ITGA2: variants seen among roughly 807,000 people sequenced by gnomAD.
The protein encoded by ITGA2 is integrin alpha-2.
Under a neutral mutation model 146.3 loss-of-function variants are expected in ITGA2, and 101 were observed. That is an observed-to-expected ratio of 0.69 (90% CI 0.59 to 0.81). The LOEUF (loss-of-function observed/expected upper bound fraction) is 0.81. Among genes scored for constraint, ITGA2 ranks in the 40% least tolerant of loss-of-function variants. ITGA2 has a pLI of 0.00. For missense variants in ITGA2, 1,281 were observed against 1,402.7 expected (o/e 0.91, Z 1.39); for synonymous variants, 477 against 487.1 (o/e 0.98, Z 0.27).
chr5:53,058,249 T>C (rs1744733638), intron 10 of ITGA2, 148 bp downstream of exon 10: 3 of 703,614 alleles, frequency 4.3e-6, no homozygotes, highest in Non-Finnish European at 7.7e-6. Flanking sequence ...TTTGTGCTGC[T>C]GATTTACCTC....
Position 53,093,917 on chromosome 5 carries a change from CAG to C in ITGA2, c.*3320_*3321del, listed in dbSNP as rs1018362305. The stretch of plus-strand genomic sequence containing the variant: ...AGCAAAATAAGAACTCCTAACTGAA[CAG>C]AAATTTTTCTACCTAGCAATGTTAT... On this transcript the variant is annotated 3_prime_UTR_variant, in exon 30 of 30. Transcript: ENST00000296585. 6 of 152,552 alleles carry C rather than the reference CAG, an allele frequency of 3.9e-5. No individual in the cohort carries two copies. Among genetic ancestry groups the C allele is most frequent in the Admixed American group, 3.9e-4 (6 of 15,268 alleles). 9.4% of individuals were successfully genotyped at this position (152,552 alleles called of 1,614,324 possible).
intron 7 of ITGA2, among the ~76,000 whole-genome samples, chr5:53,054,195 G>C (rs1744520797): frequency 2.0e-5 from 3 of 152,110 alleles, no homozygotes; most frequent in Non-Finnish European, 1.5e-5. Flanking sequence ...TTATCCATGA[G>C]CTCAATTTGT....
In ITGA2 at chr5:53,061,038, G is replaced by T. The variant is rs1744885364; in HGVS notation, c.1450G>T (p.Gly484Cys). Reference protein sequence around the residue: ...GNITVIQAHRGDQIGSYFGSV... With the variant: ...GNITVIQAHRCDQIGSYFGSV... ...TATCACGGTTATTCAGGCTCACCGA[G>T]GTGACCAGGTAAATCTCACTGTTTA... The change falls in exon 12 of 30, where the codon GGT becomes TGT. Residue 484 changes from glycine (G) to cysteine (C), a missense_variant. Gly to Cys is a radical substitution (Grantham distance 159). Coordinates refer to ENST00000296585, the MANE Select transcript of ITGA2 (RefSeq NM_002203.4). The T allele has an allele frequency of 3.1e-6, 5 of 1,612,044 alleles. No individual in the cohort carries two copies. Among genetic ancestry groups the T allele is most frequent in the Non-Finnish European group, 4.2e-6 (5 of 1,178,668 alleles).
Position 53,093,525 on chromosome 5 carries a change from A to G in ITGA2, c.*2926A>G, listed in dbSNP as rs1355885469. On this transcript the variant is annotated 3_prime_UTR_variant, in exon 30 of 30. Transcript: ENST00000296585. Reference sequence around the variant, plus strand: ...CTGGCCTCTAGCTACCCGATGCCAGAGCATGCTCCCCCCGCAGTCATGACA... The same window carrying G: ...CTGGCCTCTAGCTACCCGATGCCAGGGCATGCTCCCCCCGCAGTCATGACA... 1 of 152,100 alleles carries G rather than the reference A, an allele frequency of 6.6e-6. No individual in the cohort carries two copies. Among genetic ancestry groups the G allele is most frequent in the Non-Finnish European group, 1.5e-5 (1 of 68,028 alleles). The allele number at this position is 152,100 out of a possible 1,614,324, so 9.4% of individuals were successfully genotyped here. A position where few individuals can be genotyped will look rare whatever the true frequency, so the allele number is the denominator to read the frequency against.
At chr5:53,012,345 T>A (rs1742176895) in intron 1 of ITGA2, among the ~76,000 whole-genome samples, 1 of 152,200 alleles carries the variant, frequency 6.6e-6, no homozygotes, top group Non-Finnish European at 1.5e-5. Flanking sequence ...TATATCCAAA[T>A]GGTGGCTTGG....
chr5:53,079,521 T>C (rs1020835746), intron 24 of ITGA2, among the ~76,000 whole-genome samples: 18 of 152,302 alleles, frequency 1.2e-4, no homozygotes, highest in African/African-American at 3.8e-4. Context: ...TTTTATATTG[T>C]AATTAAAGTT....
chr5:53,003,023 C>T (rs1741663599), intron 1 of ITGA2, among the ~76,000 whole-genome samples: 1 of 152,104 alleles, frequency 6.6e-6, no homozygotes, highest in Admixed American at 6.5e-5. Context: ...CAGTGTCCTG[C>T]TTTATTCTTA....
rs546274485 is a variant in ITGA2 at position 53,071,972 on chromosome 5, G to A, written c.2270G>A (p.Arg757His). 2.0e-5 allele frequency: 33 copies of A among 1,612,336 alleles called. No individual in the cohort carries two copies. Among genetic ancestry groups the A allele is most frequent in the South Asian group, 4.4e-5 (4 of 91,056 alleles). ...GATGTTGTCAACTCTTTGGATTTGC[G>A]TGTGGACATCAGTCTGGAAAACCCT... is the stretch of plus-strand genomic sequence containing the variant. ...PSDVVNSLDL[R>H]VDISLENPGT... Residue 757 changes from arginine to histidine, a missense_variant, in exon 18 of 30, where the codon CGT becomes CAT. This residue lies in a region of ITGA2 where 475 missense variants were observed against 530.5 expected (regional missense o/e 0.90). Coordinates refer to ENST00000296585, the MANE Select transcript of ITGA2 (RefSeq NM_002203.4).
At chr5:53,045,182 A>G in intron 4 of ITGA2, 90 bp downstream of exon 4, 1 of 1,011,772 alleles carries the variant, frequency 9.9e-7, no homozygotes, top group Non-Finnish European at 1.6e-6. Context: ...CTGAGGATTT[A>G]GATGTTTAGA....
At chr5:52,996,819 C>T (rs1741283103) in intron 1 of ITGA2, among the ~76,000 whole-genome samples, 1 of 152,080 alleles carries the variant, frequency 6.6e-6, no homozygotes, top group Non-Finnish European at 1.5e-5. Flanking sequence ...CCTTCAATTC[C>T]CCTTATTTCT....
At chr5:52,990,485 A>C (rs1740886950) in intron 1 of ITGA2, among the ~76,000 whole-genome samples, 1 of 152,162 alleles carries the variant, frequency 6.6e-6, no homozygotes, top group Non-Finnish European at 1.5e-5. Context: ...TGGAGGGAGA[A>C]GGAGACACGT....
intron 1 of ITGA2, among the ~76,000 whole-genome samples, chr5:53,023,422 T>C (rs1162167837): frequency 6.6e-6 from 1 of 152,248 alleles, no homozygotes; most frequent in Non-Finnish European, 1.5e-5. Context: ...CCTTTGAACT[T>C]AGATTTACCC....
chr5:53,056,046 A>G lies in ITGA2; in HGVS notation c.993A>G (p.Ala331=), dbSNP rs3212523. 0.089 allele frequency: 143,860 copies of G among 1,609,684 alleles called. 7,058 individuals carry two copies. Among genetic ancestry groups the G allele is most frequent in the African/African-American group, 0.17 (12,527 of 74,762 alleles). ...DTKNLIKEIK[A]IASIPTERYF... is the part of the protein sequence containing the mutation. ...AAAATTTAATAAAAGAAATAAAAGC[A>G]ATCGCTAGTATTCCAACAGAAAGAT... Residue 331 remains alanine, a synonymous_variant, in exon 9 of 30, where the codon GCA becomes GCG. Transcript: ENST00000296585.
rs1187403468 is a variant in ITGA2, at chr5:53,057,937, C to T, written c.1097-88C>T. 9 of 852,636 alleles carry T rather than the reference C, an allele frequency of 1.1e-5. No individual in the cohort carries two copies. The Admixed American group carries it at 1.4e-4, about 13-fold the overall frequency. 52.8% of individuals were successfully genotyped at this position (852,636 alleles called of 1,614,324 possible). A position where few individuals can be genotyped will look rare whatever the true frequency, so the allele number is the denominator to read the frequency against. On this transcript the variant is annotated intron_variant, in intron 9 of 29. Coordinates refer to ENST00000296585, the MANE Select transcript of ITGA2 (RefSeq NM_002203.4). Reference sequence around the variant, plus strand: ...GTGTGTTTGTGTTTGTGTTTGTAGGCATGTGTGTACATACGTGCCTGCTTG... The same window carrying T: ...GTGTGTTTGTGTTTGTGTTTGTAGGTATGTGTGTACATACGTGCCTGCTTG...
intron 16 of ITGA2, among the ~76,000 whole-genome samples, chr5:53,068,227 A>C (rs752265405): frequency 6.6e-6 from 1 of 151,944 alleles, no homozygotes; most frequent in African/African-American, 2.4e-5. Context: ...AAATCTTAAC[A>C]TGCTTTCCAT....
At chr5:53,080,850 C>G (rs1423658198) in intron 25 of ITGA2, among the ~76,000 whole-genome samples, 2 of 152,060 alleles carry the variant, frequency 1.3e-5, no homozygotes, top group Non-Finnish European at 2.9e-5. Flanking sequence ...TCCAAAAACC[C>G]CATTTTGGCC....
chr5:53,020,170 AT>A (rs1204607658), intron 1 of ITGA2, among the ~76,000 whole-genome samples: 2 of 152,228 alleles, frequency 1.3e-5, no homozygotes. Flanking sequence ...TGAACAAAAA[AT>A]AAATAGGAAA....
intron 9 of ITGA2, among the ~76,000 whole-genome samples, chr5:53,057,385 T>C (rs568795196): frequency 6.6e-6 from 1 of 152,180 alleles, no homozygotes; most frequent in South Asian, 2.1e-4. Flanking sequence ...TAGTGAAACG[T>C]AGCCATTTTG....
In ITGA2 at chr5:53,065,933, C is replaced by T; in HGVS notation, c.1899C>T (p.Ile633=). ...DGYGDLNGDS[I]TDVSIGAFGQ... Reference sequence around the variant, plus strand: ...ATGGAGATTTAAATGGGGATTCCATCACCGATGTGTCTATTGGTGCCTTTG... The same window carrying T: ...ATGGAGATTTAAATGGGGATTCCATTACCGATGTGTCTATTGGTGCCTTTG... Residue 633 remains isoleucine (I), a synonymous_variant, in exon 15 of 30, where the codon ATC becomes ATT. Transcript: ENST00000296585. 1 of 1,612,128 alleles carries T rather than the reference C, an allele frequency of 6.2e-7. No individual in the cohort carries two copies. The highest frequency in any genetic ancestry group is 8.5e-7 in the Non-Finnish European group (1 of 1,178,736).
Sources: allele counts gnomAD v4.1 joint callset (sites outside exome capture counted in the v4.1 genomes callset), GRCh38; gene constraint gnomAD v4.1.1; regional missense constraint gnomAD v4.1.1; transcripts MANE v1.5; gene names NCBI Gene and HGNC (gene_info 2026-07-23, HGNC 2026-07-21).